The following HTT variants were observed in gnomAD, a reference collection of about 807,000 sequenced individuals.
HTT encodes huntington disease protein.
Under a neutral mutation model 362.3 loss-of-function variants are expected in HTT, and 104 were observed. The observed-to-expected ratio is 0.29, with a 90% confidence interval of 0.24 to 0.34. The LOEUF (loss-of-function observed/expected upper bound fraction) is 0.34, where lower values mean the gene tolerates loss of function less well. Among genes scored for constraint, HTT ranks in the 10% least tolerant of loss-of-function variants. The pLI is 1.00. For missense variants in HTT, 3,301 were observed against 3,928.6 expected, an observed-to-expected ratio of 0.84 and a Z score of 4.27; for synonymous variants, 1,577 against 1,548.7, an observed-to-expected ratio of 1.02 and a Z score of -0.43.
Position 3,233,240 on chromosome 4 carries a change from A to G in HTT, c.8343A>G (p.Gly2781=), listed in dbSNP as rs752413525. The part of the protein sequence containing the change: ...LRSSHLPSRV[G]ALHGVLYVLE... ...GCAGCCACCTGCCCAGCAGGGTTGG[A>G]GCCCTGCACGGCGTCCTCTATGTGC... is the stretch of plus-strand genomic sequence containing the variant. Residue 2781 remains glycine, a synonymous_variant, in exon 61 of 67, where the codon GGA becomes GGG. Coordinates refer to ENST00000355072, the MANE Select transcript of HTT (RefSeq NM_001388492.1). The G allele has an allele frequency of 2.5e-6, 4 of 1,609,096 alleles. No individual in the cohort carries two copies. The Admixed American group carries it at 6.7e-5, about 27-fold the overall frequency.
chr4:3,233,630 G>A (rs145907390), intron 61 of HTT, among the ~76,000 whole-genome samples: 177 of 152,302 alleles, frequency 1.2e-3, no homozygotes, highest in African/African-American at 3.6e-3. Context: ...TCCTGACTCT[G>A]CTCTCGAGGC....
intron 26 of HTT, among the ~76,000 whole-genome samples, chr4:3,153,489 G>A (rs1246035573): frequency 6.6e-6 from 1 of 152,198 alleles, no homozygotes; most frequent in Non-Finnish European, 1.5e-5. Flanking sequence ...ATGCTCTCAT[G>A]TGTTGTGTAT....
intron 21 of HTT, among the ~76,000 whole-genome samples, chr4:3,137,558 A>G (rs1368430336): frequency 7.0e-4 from 106 of 152,166 alleles, no homozygotes; most frequent in Admixed American, 2.3e-3. Flanking sequence ...AATTAGTCGG[A>G]TGTGGTGGCA....
At position 3,148,082 on chromosome 4, in the gene HTT, G is replaced by A; in HGVS notation, c.3373G>A (p.Val1125Ile). ...ANPAATKQEE[V>I]WPALGDRALV... is the part of the protein sequence containing the mutation. ...CCCAGCAGCCACCAAGCAAGAGGAG[G>A]TCTGGCCAGCCCTGGGGGACCGGGC... is the stretch of plus-strand genomic sequence containing the variant. Residue 1125 changes from valine to isoleucine, a missense_variant, in exon 26 of 67, where the codon GTC (valine) becomes ATC (isoleucine). By Grantham distance (29) the Val-to-Ile change is conservative. This residue lies in a region of HTT where 2,316 missense variants were observed against 2,658.5 expected (regional missense o/e 0.87). Transcript: ENST00000355072. The A allele has an allele frequency of 6.2e-7, 1 of 1,614,188 alleles. No individual in the cohort carries two copies. The highest frequency in any genetic ancestry group is 8.5e-7 in the Non-Finnish European group (1 of 1,180,018).
Position 3,085,655 on chromosome 4 carries a change from C to T in HTT, c.264-1284C>T, listed in dbSNP as rs78578545. ...TGGGGGAAGGAATTAGTTTTAGTTTCTTAAACTTCCAGGTTTGCTTATTGG... is the reference window on the plus strand; with the variant it reads ...TGGGGGAAGGAATTAGTTTTAGTTTTTTAAACTTCCAGGTTTGCTTATTGG... On this transcript the variant is annotated intron_variant, in intron 1 of 66. Transcript: ENST00000355072. Among the ~76,000 whole-genome samples, 1,000 of 152,304 alleles carry T rather than the reference C, an allele frequency of 6.6e-3. 13 individuals are homozygous for T. Among genetic ancestry groups the T allele is most frequent in the African/African-American group, 0.023 (939 of 41,558 alleles).
intron 8 of HTT, among the ~76,000 whole-genome samples, chr4:3,118,450 A>T (rs532987544): frequency 4.9e-4 from 74 of 152,320 alleles, no homozygotes; most frequent in African/African-American, 1.7e-3. Flanking sequence ...GGCACGTGGA[A>T]TCTGACCCGG....
At chr4:3,140,447 G>A in intron 21 of HTT, 63 bp from the exon 22 acceptor site, 1 of 1,447,722 alleles carries the variant, frequency 6.9e-7, no homozygotes, top group South Asian at 1.2e-5. Context: ...AGGGAGGAGG[G>A]TGGTCTATCA....
Position 3,180,639 on chromosome 4 carries a change from C to G in HTT, c.4737C>G (p.Ile1579Met). The stretch of plus-strand genomic sequence containing the variant: ...TGGTGTCAATGTTACTGAGACTCAT[C>G]CAGTACCATCAGGTAAGAGGAATGT... Reference protein sequence around the residue: ...EVVVSMLLRLIQYHQVLEMFI... With the variant: ...EVVVSMLLRLMQYHQVLEMFI... The change falls in exon 36 of 67, where the codon ATC becomes ATG. Residue 1579 changes from isoleucine to methionine, a missense_variant. This residue lies in a region of HTT where 2,316 missense variants were observed against 2,658.5 expected (regional missense o/e 0.87). Coordinates refer to ENST00000355072, the MANE Select transcript of HTT (RefSeq NM_001388492.1). The G allele has an allele frequency of 5.6e-6, 9 of 1,612,602 alleles. No individual in the cohort carries two copies. The highest frequency in any genetic ancestry group is 1.3e-5 in the African/African-American group (1 of 74,774).
At chr4:3,203,245 T>G (rs975112518) in intron 41 of HTT, among the ~76,000 whole-genome samples, 3 of 152,258 alleles carry the variant, frequency 2.0e-5, no homozygotes, top group Non-Finnish European at 4.4e-5. Flanking sequence ...ACCAGTTCTC[T>G]TCTAAATCCT....
chr4:3,223,304 C>T, intron 54 of HTT, 102 bp from the exon 55 acceptor site: 1 of 1,170,798 alleles, frequency 8.5e-7, no homozygotes, highest in Non-Finnish European at 1.2e-6. Flanking sequence ...GCACTTAAGG[C>T]TCCTCTTCCT....
At chr4:3,237,506 A>G (rs901324067) in intron 64 of HTT, among the ~76,000 whole-genome samples, 10 of 152,058 alleles carry the variant, frequency 6.6e-5, no homozygotes, top group African/African-American at 2.4e-4. Flanking sequence ...CTTGTGGTCT[A>G]GTGGGCCCAA....
chr4:3,230,872 T>C (rs1385145354), intron 60 of HTT, among the ~76,000 whole-genome samples: 1 of 152,210 alleles, frequency 6.6e-6, no homozygotes, highest in Non-Finnish European at 1.5e-5. Context: ...GGTGTCAGTG[T>C]AGGAGTTTCA....
intron 27 of HTT, among the ~76,000 whole-genome samples, chr4:3,155,096 G>A (rs1717076855): frequency 6.6e-6 from 1 of 152,074 alleles, no homozygotes; most frequent in Non-Finnish European, 1.5e-5. Flanking sequence ...CTGGCCACCT[G>A]TCTGTACAGT....
intron 1 of HTT, among the ~76,000 whole-genome samples, chr4:3,078,656 C>A (rs1712700957): frequency 6.6e-6 from 1 of 152,112 alleles, no homozygotes; most frequent in African/African-American, 2.4e-5. Context: ...GCAACCTCTG[C>A]CTCTTGGGTT....
At position 3,220,303 on chromosome 4, in the gene HTT, C is replaced by A. The variant is rs753734355; in HGVS notation, c.7364C>A (p.Thr2455Lys). 1 of 1,613,288 alleles carries A rather than the reference C, an allele frequency of 6.2e-7. No individual in the cohort carries two copies. Among genetic ancestry groups the A allele is most frequent in the Non-Finnish European group, 8.5e-7 (1 of 1,179,232 alleles). Residue 2455 changes from threonine to lysine, a missense_variant, in exon 53 of 67, where the codon ACA becomes AAA. Thr to Lys is a moderately conservative substitution (Grantham distance 78). Coordinates refer to ENST00000355072, the MANE Select transcript of HTT (RefSeq NM_001388492.1). The part of the protein sequence containing the change: ...VFKEFIYRIN[T>K]LGWTSRTQFE... ...AAGGAGTTCATCTACCGCATCAACA[C>A]ACTAGGTACTCTTGGGGCCTCTCCT...
At chr4:3,216,905 G>A (rs967372999) in intron 51 of HTT, among the ~76,000 whole-genome samples, 9 of 150,770 alleles carry the variant, frequency 6.0e-5, no homozygotes, top group African/African-American at 2.2e-4. Flanking sequence ...GGCGCCTGTA[G>A]TCCCAGCTAC....
intron 21 of HTT, among the ~76,000 whole-genome samples, chr4:3,136,910 G>A (rs1202823636): frequency 6.6e-6 from 1 of 151,200 alleles, no homozygotes; most frequent in Non-Finnish European, 1.5e-5. Context: ...ACCAGGCCCG[G>A]CTTTGAATTT....
intron 40 of HTT, among the ~76,000 whole-genome samples, chr4:3,197,241 T>C (rs1719295205): frequency 6.6e-6 from 1 of 152,110 alleles, no homozygotes; most frequent in African/African-American, 2.4e-5. Context: ...CTTTGTGACC[T>C]TGGCTGTTGC....
chr4:3,173,174 AAG>A, intron 31 of HTT, 43 bp downstream of exon 31: 1 of 1,476,284 alleles, frequency 6.8e-7, no homozygotes, highest in South Asian at 1.1e-5. Context: ...GGAAGCACGA[AAG>A]AGCAAGCAGG....
Sources: allele counts gnomAD v4.1 joint callset (sites outside exome capture counted in the v4.1 genomes callset), GRCh38; gene constraint gnomAD v4.1.1; regional missense constraint gnomAD v4.1.1; transcripts MANE v1.5; gene names NCBI Gene and HGNC (gene_info 2026-07-23, HGNC 2026-07-21).